Variants in PCTP observed in about 807,000 individuals in gnomAD.
PCTP encodes the protein phosphatidylcholine transfer protein, also known as START domain-containing protein 2.
A neutral mutation model predicts 31.0 loss-of-function variants in PCTP; 27 were observed. The ratio of observed to expected loss-of-function variants is 0.87; its 90% CI spans 0.64 to 1.20. PCTP has a LOEUF of 1.20. Among genes scored for constraint, PCTP ranks in the 50% most tolerant of loss-of-function variants. The probability of loss-of-function intolerance (pLI) is 0.00; values close to 1 mark genes in which losing one functional copy is unlikely to be tolerated. For missense variants in PCTP, 287 were observed against 268.2 expected (o/e 1.07, Z -0.49); for synonymous variants, 108 against 101.2 (o/e 1.07, Z -0.40).
chr17:55,767,765 C>CTTTTTTTTTTTTT (rs10634278), intron 2 of PCTP, among the ~76,000 whole-genome samples: 2 of 103,496 alleles, frequency 1.9e-5, no homozygotes, highest in Non-Finnish European at 3.7e-5. Flanking sequence ...GCACCCAGTG[C>CTTTTTTTTTTTTT]TTTTTTTTTT....
the PCTP span, among the ~76,000 whole-genome samples, chr17:55,849,377 C>G: frequency 6.6e-6 from 1 of 152,162 alleles, no homozygotes; most frequent in African/African-American, 2.4e-5. Flanking sequence ...AATTCCAGCA[C>G]TTTGGGAGGC....
chr17:55,787,634 C>A (rs1022710079), exon 3 of PCTP: 4 of 152,200 alleles, frequency 2.6e-5, no homozygotes, highest in Non-Finnish European at 5.9e-5. Flanking sequence ...GGATTACAGG[C>A]ATGAGCCACC....
At chr17:55,831,855 G>C (rs1201492022) in intron 5 of PCTP, among the ~76,000 whole-genome samples, 1 of 152,106 alleles carries the variant, frequency 6.6e-6, no homozygotes, top group East Asian at 1.9e-4. Context: ...GCCAAGGCAG[G>C]CAGATCTCGA....
At chr17:55,838,802 G>A (rs905784920) in intron 5 of PCTP, among the ~76,000 whole-genome samples, 1 of 152,174 alleles carries the variant, frequency 6.6e-6, no homozygotes, top group African/African-American at 2.4e-5. Flanking sequence ...GCTCAAAGAA[G>A]TGTACTTATC....
At chr17:55,788,439 T>C (rs1911829180) in intron 3 of PCTP, among the ~76,000 whole-genome samples, 1 of 152,202 alleles carries the variant, frequency 6.6e-6, no homozygotes, top group Non-Finnish European at 1.5e-5. Context: ...CTTATGGGGA[T>C]TATGTTATTT....
At chr17:55,804,607 A>G (rs1428405195) in intron 3 of PCTP, among the ~76,000 whole-genome samples, 2 of 152,136 alleles carry the variant, frequency 1.3e-5, no homozygotes, top group Non-Finnish European at 2.9e-5. Context: ...GCAAATTAAC[A>G]CAAGAACAGA....
chr17:55,808,323 T>C (rs1192975672), intron 3 of PCTP, among the ~76,000 whole-genome samples: 1 of 152,218 alleles, frequency 6.6e-6, no homozygotes, highest in Non-Finnish European at 1.5e-5. Context: ...TAACTTCACA[T>C]TCTCTGAGAA....
intron 3 of PCTP, among the ~76,000 whole-genome samples, chr17:55,805,193 T>G (rs575604017): frequency 1.3e-5 from 2 of 152,182 alleles, no homozygotes; most frequent in Non-Finnish European, 2.9e-5. Flanking sequence ...TATCAAACTA[T>G]TTTCCTCGTT....
chr17:55,774,965 C>A, intron 5 of PCTP, 106 bp downstream of exon 5: 2 of 1,204,730 alleles, frequency 1.7e-6, no homozygotes, highest in Non-Finnish European at 2.4e-6. Flanking sequence ...TTGTCTCAGG[C>A]GTAATGAGGC....
chr17:55,802,667 C>A (rs1369546823), intron 3 of PCTP, among the ~76,000 whole-genome samples: 2 of 152,132 alleles, frequency 1.3e-5, no homozygotes, highest in Non-Finnish European at 2.9e-5. Context: ...CATTCAACAC[C>A]CTTTCATGCT....
intron 1 of PCTP, among the ~76,000 whole-genome samples, chr17:55,753,282 A>C (rs563111650): frequency 9.9e-5 from 15 of 152,260 alleles, no homozygotes; most frequent in African/African-American, 3.4e-4. Context: ...TGTCTATCCT[A>C]CACCTTCCAG....
intron 3 of PCTP, among the ~76,000 whole-genome samples, chr17:55,797,429 G>A (rs1000648274): frequency 3.3e-5 from 5 of 151,982 alleles, no homozygotes; most frequent in African/African-American, 1.2e-4. Context: ...GGCTATGAAG[G>A]AAAATGTGGA....
At chr17:55,834,818 A>C (rs1346382387) in intron 5 of PCTP, among the ~76,000 whole-genome samples, 1 of 152,184 alleles carries the variant, frequency 6.6e-6, no homozygotes, top group Non-Finnish European at 1.5e-5. Context: ...CCCAGGTGGT[A>C]ATTCTAAGGG....
chr17:55,828,967 CG>C (rs1567733039), intron 5 of PCTP, among the ~76,000 whole-genome samples: 3 of 152,020 alleles, frequency 2.0e-5, no homozygotes, highest in Non-Finnish European at 4.4e-5. Context: ...ATGTTAAAAA[CG>C]GAAGAGATGC....
rs73314340 is a variant in PCTP, at chr17:55,774,678, C to T, written c.512-114C>T. 1.7e-3 allele frequency: 1,449 copies of T among 829,728 alleles called. 15 individuals are homozygous for T. The African/African-American group carries it at 0.021, about 12-fold the overall frequency. 51.4% of individuals were successfully genotyped at this position (829,728 alleles called of 1,614,324 possible). On this transcript the variant is annotated intron_variant, in intron 4 of 5. Transcript: ENST00000268896. ...GAAGTCCATCTGAATTATATGCTACCTCCCTCTGCAGTTTCTGAGCTTGAA... is the reference window on the plus strand; with the variant it reads ...GAAGTCCATCTGAATTATATGCTACTTCCCTCTGCAGTTTCTGAGCTTGAA...
chr17:55,792,994 C>T (rs552979833), intron 3 of PCTP, among the ~76,000 whole-genome samples: 11 of 152,172 alleles, frequency 7.2e-5, no homozygotes, highest in South Asian at 2.1e-4. Flanking sequence ...CAAACAAAAA[C>T]GCATCTCCCC....
intron 5 of PCTP, among the ~76,000 whole-genome samples, chr17:55,838,993 TAACAAAACCA>T (rs948097901): frequency 1.3e-5 from 2 of 152,162 alleles, no homozygotes; most frequent in Non-Finnish European, 2.9e-5. Context: ...GGCTCATGGT[TAACAAAACCA>T]AACCAAACCA....
intron 3 of PCTP, among the ~76,000 whole-genome samples, chr17:55,821,306 C>T (rs190383442): frequency 2.5e-4 from 38 of 152,212 alleles, no homozygotes; most frequent in Non-Finnish European, 4.1e-4. Flanking sequence ...ATTTCATGTA[C>T]GTGAAATGTT....
At chr17:55,759,346 G>C (rs1364020467) in intron 1 of PCTP, among the ~76,000 whole-genome samples, 1 of 152,160 alleles carries the variant, frequency 6.6e-6, no homozygotes, top group African/African-American at 2.4e-5. Flanking sequence ...ACCTAGCTGT[G>C]TGCAACCCTG....
Sources: gnomAD v4.1 joint callset for allele counts (sites outside exome capture counted in the v4.1 genomes callset) on GRCh38, gnomAD v4.1.1 for gene constraint, MANE v1.5 for transcripts, NCBI Gene and HGNC (gene_info 2026-07-23, HGNC 2026-07-21) for gene names.